BCL2: variants seen among roughly 807,000 people sequenced by gnomAD.
BCL2 encodes apoptosis regulator Bcl-2.
In BCL2, 1 loss-of-function variant was observed where a neutral mutation model predicts 14.2. The observed-to-expected ratio is 0.07, with a 90% CI of 0.02 to 0.33. The LOEUF is 0.33. Ranked by LOEUF, BCL2 falls within the 10% of genes least tolerant of loss-of-function variation. The pLI, the probability that BCL2 is intolerant of heterozygous loss-of-function variation, is 0.99. For missense variants in BCL2, 247 were observed against 305.9 expected (o/e 0.81, Z 1.44); for synonymous variants, 151 against 137.2 (o/e 1.10, Z -0.70).
At chr18:63,190,123 C>A (rs113899597) in intron 2 of BCL2, among the ~76,000 whole-genome samples, 2 of 151,964 alleles carry the variant, frequency 1.3e-5, no homozygotes, top group Non-Finnish European at 2.9e-5. Context: ...TCACACTGAG[C>A]GAAAGAATAG....
At chr18:63,214,624 C>T (rs916504999) in intron 2 of BCL2, among the ~76,000 whole-genome samples, 2 of 143,298 alleles carry the variant, frequency 1.4e-5, no homozygotes, top group Middle Eastern at 3.5e-3. Context: ...CAAAAACTGT[C>T]GGGTAATAAA....
chr18:63,259,394 G>A (rs777740742), intron 2 of BCL2, among the ~76,000 whole-genome samples: 2 of 152,234 alleles, frequency 1.3e-5, no homozygotes, highest in Non-Finnish European at 2.9e-5. Flanking sequence ...TTTGTACCCG[G>A]CTCCCCATGG....
chr18:63,253,498 G>C (rs374197202), intron 2 of BCL2, among the ~76,000 whole-genome samples: 1 of 152,140 alleles, frequency 6.6e-6, no homozygotes, highest in Non-Finnish European at 1.5e-5. Context: ...CCCAATCACC[G>C]CAGAGACTTT....
intron 2 of BCL2, among the ~76,000 whole-genome samples, chr18:63,311,103 T>C (rs1327309067): frequency 2.6e-5 from 4 of 152,162 alleles, no homozygotes; most frequent in Non-Finnish European, 4.4e-5. Flanking sequence ...CCTATTTTAA[T>C]TGTAAATCAG....
intron 2 of BCL2, among the ~76,000 whole-genome samples, chr18:63,153,012 C>T (rs1914688094): frequency 6.6e-6 from 1 of 152,200 alleles, no homozygotes; most frequent in Admixed American, 6.5e-5. Context: ...GCCTCTGCCT[C>T]CCACTTTTCA....
At position 63,297,199 on chromosome 18, in the gene BCL2, C is replaced by T. The variant is rs112040581; in HGVS notation, c.585+20883G>A. Among the ~76,000 whole-genome samples, 7 of 150,990 alleles carry T rather than the reference C, an allele frequency of 4.6e-5. 1 individual carries two copies. Among genetic ancestry groups the T allele is most frequent in the East Asian group, 1.9e-4 (1 of 5,140 alleles). ...CTGCACTCCAGCCTGGGCGACACAG[C>T]GAAACTCTGTCTCAAAAAAAAAAGA... On this transcript the variant is annotated intron_variant, in intron 2 of 2. Coordinates refer to ENST00000333681, the MANE Select transcript of BCL2 (RefSeq NM_000633.3).
chr18:63,135,597 C>T (rs1260152645), intron 2 of BCL2, among the ~76,000 whole-genome samples: 1 of 152,152 alleles, frequency 6.6e-6, no homozygotes, highest in Non-Finnish European at 1.5e-5. Flanking sequence ...TCCACCCTGG[C>T]CCATGCACAA....
At chr18:63,248,383 G>A (rs1279190954) in intron 2 of BCL2, among the ~76,000 whole-genome samples, 1 of 152,208 alleles carries the variant, frequency 6.6e-6, no homozygotes, top group Non-Finnish European at 1.5e-5. Context: ...AGTAAAGCAA[G>A]GTTGTCTACT....
chr18:63,131,521 GA>G (rs1229253714), intron 2 of BCL2, among the ~76,000 whole-genome samples: 4 of 152,184 alleles, frequency 2.6e-5, no homozygotes, highest in Non-Finnish European at 5.9e-5. Flanking sequence ...CCACAAGCCA[GA>G]ACTCTGCCTC....
At chr18:63,166,764 A>G (rs780818107) in intron 2 of BCL2, among the ~76,000 whole-genome samples, 2 of 152,226 alleles carry the variant, frequency 1.3e-5, no homozygotes, top group Non-Finnish European at 2.9e-5. Context: ...TTAGTAAAAC[A>G]TTAATGATTG....
At position 63,149,928 on chromosome 18, in the gene BCL2, G is replaced by A. The variant is rs1914610561; in HGVS notation, c.586-21169C>T. Among the ~76,000 whole-genome samples, 1 of 151,968 alleles carries A rather than the reference G, an allele frequency of 6.6e-6. No homozygotes were observed. ...TCTCCCTCTGTCAGTTACCCAGGCT[G>A]GAGTGCAGTGGTGCGATCTCGGCTC... On this transcript the variant is annotated intron_variant, in intron 2 of 2. Coordinates refer to ENST00000333681, the MANE Select transcript of BCL2 (RefSeq NM_000633.3). The surrounding 1 kb of genome is among the most constrained non-coding windows in gnomAD (Gnocchi z 4.2).
At position 63,218,198 on chromosome 18, in the gene BCL2, C is replaced by T. The variant is rs548224052; in HGVS notation, c.586-89439G>A. On this transcript the variant is annotated intron_variant, in intron 2 of 2. Transcript: ENST00000333681. Reference sequence around the variant, plus strand: ...ATTCTCTTTCTTTCTTCAAATGTGGCTCAAGCTCATGTCTTTTCTGTCTGA... The same window carrying T: ...ATTCTCTTTCTTTCTTCAAATGTGGTTCAAGCTCATGTCTTTTCTGTCTGA... 2.0e-5 allele frequency among the ~76,000 whole-genome samples: 3 copies of T among 152,172 alleles called. No individual in the cohort carries two copies. In the East Asian group the frequency reaches 5.8e-4, roughly 29 times the overall value.
chr18:63,150,679 T>G (rs1353593897), intron 2 of BCL2, among the ~76,000 whole-genome samples: 1 of 152,208 alleles, frequency 6.6e-6, no homozygotes, highest in Non-Finnish European at 1.5e-5. Context: ...GCTGTTTTAG[T>G]CTGATATTCC....
chr18:63,141,379 C>T (rs765289012), intron 2 of BCL2, among the ~76,000 whole-genome samples: 12 of 152,304 alleles, frequency 7.9e-5, no homozygotes, highest in Middle Eastern at 3.4e-3. Flanking sequence ...TGGCCTCAGA[C>T]CCTCCTGCTG....
intron 2 of BCL2, among the ~76,000 whole-genome samples, chr18:63,229,115 A>T (rs1910622321): frequency 6.6e-6 from 1 of 152,278 alleles, no homozygotes. Flanking sequence ...AAATATTTAC[A>T]GCAAAAATTG....
At chr18:63,280,929 A>G (rs756134071) in intron 2 of BCL2, among the ~76,000 whole-genome samples, 3 of 152,238 alleles carry the variant, frequency 2.0e-5, no homozygotes, top group African/African-American at 4.8e-5. Flanking sequence ...AAGGGGAAGC[A>G]GCTCAAGTAT....
At chr18:63,207,215 C>G (rs962709862) in intron 2 of BCL2, among the ~76,000 whole-genome samples, 2 of 152,210 alleles carry the variant, frequency 1.3e-5, no homozygotes, top group African/African-American at 4.8e-5. Flanking sequence ...CAGGAGGGAG[C>G]CCAGGATGCC....
Position 63,149,173 on chromosome 18 carries a change from G to A in BCL2, c.586-20414C>T, listed in dbSNP as rs527959808. Among the ~76,000 whole-genome samples the A allele has an allele frequency of 1.3e-5, 2 of 152,320 alleles. No individual in the cohort carries two copies. The highest frequency in any genetic ancestry group is 2.1e-4 in the South Asian group (1 of 4,822). On this transcript the variant is annotated intron_variant, in intron 2 of 2. Transcript: ENST00000333681. The surrounding 1 kb of genome is among the most constrained non-coding windows in gnomAD (Gnocchi z 4.2). ...CCACAACCTTTTTGGCACCAGGGAC[G>A]TGTTTTGTGGAGGACAATTTTTCCA...
intron 2 of BCL2, among the ~76,000 whole-genome samples, chr18:63,196,558 T>C (rs1909451821): frequency 6.6e-6 from 1 of 152,100 alleles, no homozygotes; most frequent in African/African-American, 2.4e-5. Context: ...GTATGGTCTT[T>C]TTTTTGGCTT....
Sources: allele counts gnomAD v4.1 joint callset (sites outside exome capture counted in the v4.1 genomes callset), GRCh38; gene constraint gnomAD v4.1.1; non-coding constraint Gnocchi (gnomAD v3.1); transcripts MANE v1.5; gene names NCBI Gene and HGNC (gene_info 2026-07-23, HGNC 2026-07-21).